The following PRDM11 variants were observed in gnomAD, a reference collection of about 807,000 sequenced individuals.
The protein encoded by PRDM11 is PR/SET domain 11, also known as PR domain-containing protein 11.
PRDM11 carries 20 observed loss-of-function variants against 97.8 expected under a neutral mutation model. That is an observed-to-expected ratio of 0.20 (90% CI 0.14 to 0.30). The LOEUF is 0.30. Ranked by LOEUF, PRDM11 falls within the 10% of genes least tolerant of loss-of-function variation. The probability of loss-of-function intolerance (pLI) is 1.00; values close to 1 mark genes in which losing one functional copy is unlikely to be tolerated. For missense variants in PRDM11, 1,139 were observed against 1,555.2 expected (o/e 0.73, Z 4.50); for synonymous variants, 599 against 637.7 (o/e 0.94, Z 0.91).
At position 45,181,873 on chromosome 11, in the gene PRDM11, A is replaced by G; in HGVS notation, c.107A>G (p.Tyr36Cys). ...EVCSPLRDQE[Y>C]GQPCSRRPDS... ...TGCTCACCACTCCGAGACCAGGAGT[A>G]TGGCCAGCCCTGGTGAGGCCCCTGT... Residue 36 changes from tyrosine (Y) to cysteine (C), a missense_variant, in exon 2 of 8, where the codon TAT (tyrosine) becomes TGT (cysteine). Physicochemically the swap from Tyr to Cys is radical, Grantham distance 194. Transcript: ENST00000683152. 2 of 1,612,702 alleles carry G rather than the reference A, an allele frequency of 1.2e-6. No individual in the cohort carries two copies. Among genetic ancestry groups the G allele is most frequent in the Non-Finnish European group, 1.7e-6 (2 of 1,179,568 alleles).
intron 4 of PRDM11, among the ~76,000 whole-genome samples, chr11:45,186,744 G>T (rs1323625016): frequency 6.6e-6 from 1 of 152,178 alleles, no homozygotes; most frequent in African/African-American, 2.4e-5. Flanking sequence ...TATGCCAGGT[G>T]CATACTGGAC....
chr11:45,101,590 A>G (rs1851981896), intron 1 of PRDM11, among the ~76,000 whole-genome samples: 5 of 150,618 alleles, frequency 3.3e-5, no homozygotes, highest in Non-Finnish European at 4.4e-5. Flanking sequence ...AAGAAGAAGA[A>G]GAAGAAGAAG....
In PRDM11 at chr11:45,233,035, T is replaced by C. The variant is rs539276373; in HGVS notation, c.*4876T>C. ...AATACAGATGCTACAGCATATATGT[T>C]GTATATATGGACATATACAGTACGT... On this transcript the variant is annotated 3_prime_UTR_variant, in exon 8 of 8. Coordinates refer to ENST00000683152, the MANE Select transcript of PRDM11 (RefSeq NM_001384648.1). 2 of 152,156 alleles carry C rather than the reference T, an allele frequency of 1.3e-5. No individual in the cohort carries two copies. The highest frequency in any genetic ancestry group is 2.9e-5 in the Non-Finnish European group (2 of 68,036). The allele number at this position is 152,156 out of a possible 1,614,324, so 9.4% of individuals were successfully genotyped here. A position where few individuals can be genotyped will look rare whatever the true frequency, so the allele number is the denominator to read the frequency against.
At chr11:45,128,022 T>C (rs1852621868) in intron 1 of PRDM11, among the ~76,000 whole-genome samples, 1 of 152,226 alleles carries the variant, frequency 6.6e-6, no homozygotes, top group South Asian at 2.1e-4. Context: ...CTGGCTGCTT[T>C]GTTTACCTAT....
chr11:45,122,824 C>A (rs1852469684), intron 1 of PRDM11, among the ~76,000 whole-genome samples: 1 of 152,128 alleles, frequency 6.6e-6, no homozygotes, highest in Admixed American at 6.5e-5. Flanking sequence ...GTCTTTATAG[C>A]AGCATGATTT....
chr11:45,183,616 C>T (rs1484237800), intron 4 of PRDM11, among the ~76,000 whole-genome samples: 1 of 152,126 alleles, frequency 6.6e-6, no homozygotes. Context: ...ATTGAACAAG[C>T]AGGTACACAT....
chr11:45,215,399 G>A (rs1307633348), intron 5 of PRDM11, among the ~76,000 whole-genome samples: 1 of 152,188 alleles, frequency 6.6e-6, no homozygotes, highest in Non-Finnish European at 1.5e-5. Context: ...AAAAAGCATG[G>A]CCATAGAAAT....
At chr11:45,138,281 A>G (rs956200749) in intron 1 of PRDM11, among the ~76,000 whole-genome samples, 16 of 152,142 alleles carry the variant, frequency 1.1e-4, no homozygotes, top group African/African-American at 3.9e-4. Context: ...AAATAATGGA[A>G]GGAGGCTGGG....
Position 45,226,395 on chromosome 11 carries a change from C to T in PRDM11, c.1770C>T (p.Thr590=). 6.5e-7 allele frequency: 1 copy of T among 1,533,994 alleles called. No homozygotes were observed. Among genetic ancestry groups the T allele is most frequent in the Non-Finnish European group, 8.7e-7 (1 of 1,146,750 alleles). Residue 590 remains threonine, a synonymous_variant, in exon 8 of 8, where the codon ACC becomes ACT. Transcript: ENST00000683152. ...CAGAGGAGATGTGTCGCAACATGAC[C>T]CTGCTCTTCAACACCGCCTACCACC... ...EKTEEMCRNM[T]LLFNTAYHLA... is the part of the protein sequence containing the mutation.
At chr11:45,151,355 TG>T (rs1225184732) in intron 1 of PRDM11, among the ~76,000 whole-genome samples, 1 of 152,250 alleles carries the variant, frequency 6.6e-6, no homozygotes, top group East Asian at 1.9e-4. Flanking sequence ...AAAATTGTGC[TG>T]TTGTTTTCTA....
At chr11:45,192,011 C>T (rs928630363) in intron 4 of PRDM11, among the ~76,000 whole-genome samples, 9 of 151,982 alleles carry the variant, frequency 5.9e-5, no homozygotes, top group Admixed American at 4.6e-4. Flanking sequence ...CTCCCACCCC[C>T]GCAACAGGCC....
At chr11:45,104,836 G>T (rs748265236) in intron 1 of PRDM11, among the ~76,000 whole-genome samples, 1 of 152,142 alleles carries the variant, frequency 6.6e-6, no homozygotes, top group African/African-American at 2.4e-5. Flanking sequence ...TTGGGTTCTC[G>T]ATGCCTTGTG....
At chr11:45,161,110 ATCC>A (rs1220347325) in intron 1 of PRDM11, among the ~76,000 whole-genome samples, 1 of 147,580 alleles carries the variant, frequency 6.8e-6, no homozygotes. Context: ...CCTTAGTTCT[ATCC>A]TCTGTCCAAT....
intron 1 of PRDM11, among the ~76,000 whole-genome samples, chr11:45,170,307 C>T (rs1187603834): frequency 6.6e-6 from 1 of 151,838 alleles, no homozygotes; most frequent in Non-Finnish European, 1.5e-5. Context: ...CACACCACTG[C>T]ACTCCAGCCT....
At position 45,130,082 on chromosome 11, in the gene PRDM11, T is replaced by A. The variant is rs566517738; in HGVS notation, c.96+34181T>A. Among the ~76,000 whole-genome samples, 82 of 152,246 alleles carry A rather than the reference T, an allele frequency of 5.4e-4. No individual in the cohort carries two copies. In the Middle Eastern group the frequency reaches 0.01, roughly 19 times the overall value. On this transcript the variant is annotated intron_variant, in intron 1 of 6. Coordinates refer to the PRDM11 transcript ENST00000530656. ...GTCTTAGATCAATTGGATATTCATA[T>A]GGGAAAAAAATGAAGCTTGATCCCT...
At chr11:45,132,232 G>A (rs1423222789) in intron 1 of PRDM11, among the ~76,000 whole-genome samples, 1 of 152,178 alleles carries the variant, frequency 6.6e-6, no homozygotes, top group African/African-American at 2.4e-5. Context: ...ATGACAACAA[G>A]GAGCTTGAAC....
chr11:45,157,462 C>A (rs1458650338), intron 1 of PRDM11, among the ~76,000 whole-genome samples: 3 of 152,156 alleles, frequency 2.0e-5, no homozygotes, highest in Non-Finnish European at 4.4e-5. Context: ...CCACTCGTCT[C>A]CTGCTCTGCA....
chr11:45,224,142 C>A (rs1450003627), intron 6 of PRDM11, 75 bp from the exon 7 acceptor site: 1 of 1,488,656 alleles, frequency 6.7e-7, no homozygotes, highest in Non-Finnish European at 9.0e-7. Flanking sequence ...TAACAGGAGG[C>A]CTGCTTTGTT....
At chr11:45,169,025 A>G (rs1484912064) in intron 1 of PRDM11, among the ~76,000 whole-genome samples, 1 of 152,158 alleles carries the variant, frequency 6.6e-6, no homozygotes, top group East Asian at 1.9e-4. Context: ...CCTCTTCCAC[A>G]GGTACAGCAG....
Sources: gnomAD v4.1 joint callset for allele counts (sites outside exome capture counted in the v4.1 genomes callset) on GRCh38, gnomAD v4.1.1 for gene constraint, MANE v1.5 for transcripts, NCBI Gene and HGNC (gene_info 2026-07-23, HGNC 2026-07-21) for gene names.